The following DNM3 variants were observed in gnomAD, a reference collection of about 807,000 sequenced individuals.
The protein encoded by DNM3 is dynamin-3.
A neutral mutation model predicts 101.6 loss-of-function variants in DNM3; 47 were observed. The observed-to-expected ratio is 0.46, with a 90% CI of 0.37 to 0.59. DNM3 has a LOEUF of 0.59. DNM3 is among the 20% of genes least tolerant of loss of function. DNM3 has a pLI of 0.00. For synonymous variants in DNM3, 385 were observed against 387.9 expected (o/e 0.99, Z 0.09); for missense variants, 849 against 1,085.7 (o/e 0.78, Z 3.06).
intron 17 of DNM3, among the ~76,000 whole-genome samples, chr1:172,359,829 A>G (rs889665220): frequency 6.6e-6 from 1 of 151,876 alleles, no homozygotes; most frequent in Non-Finnish European, 1.5e-5. Context: ...GAGCTCATTT[A>G]TTTGCTTTTG....
chr1:171,847,133 T>C (rs1423416422), intron 1 of DNM3, among the ~76,000 whole-genome samples: 2 of 152,186 alleles, frequency 1.3e-5, no homozygotes, highest in Non-Finnish European at 2.9e-5. Context: ...AAAATATGAA[T>C]ACATAGAAGC....
intron 14 of DNM3, among the ~76,000 whole-genome samples, chr1:172,210,267 T>G (rs1275226420): frequency 1.3e-5 from 2 of 151,748 alleles, no homozygotes; most frequent in African/African-American, 4.8e-5. Context: ...AACAATTCTC[T>G]TATAAATGAC....
At chr1:171,946,458 A>G (rs1337507949) in intron 2 of DNM3, among the ~76,000 whole-genome samples, 1 of 151,982 alleles carries the variant, frequency 6.6e-6, no homozygotes, top group African/African-American at 2.4e-5. Context: ...CTTTGTGACA[A>G]TGTCTATTTT....
chr1:171,911,526 G>A (rs375079259), intron 1 of DNM3, among the ~76,000 whole-genome samples: 7 of 152,082 alleles, frequency 4.6e-5, no homozygotes, highest in East Asian at 1.9e-4. Flanking sequence ...CAGGTGATCC[G>A]CCCGCCTCGG....
At chr1:171,944,222 T>C (rs2042000423) in intron 2 of DNM3, among the ~76,000 whole-genome samples, 1 of 152,112 alleles carries the variant, frequency 6.6e-6, no homozygotes, top group African/African-American at 2.4e-5. Flanking sequence ...TTCTTAAATT[T>C]TTTTTCAGCC....
intron 14 of DNM3, among the ~76,000 whole-genome samples, chr1:172,181,488 A>G (rs530176695): frequency 1.3e-5 from 2 of 151,952 alleles, no homozygotes; most frequent in African/African-American, 2.4e-5. Flanking sequence ...AGATTACACT[A>G]CCTTCTTTAT....
At chr1:172,379,481 A>G (rs2068778248) in intron 18 of DNM3, among the ~76,000 whole-genome samples, 1 of 152,082 alleles carries the variant, frequency 6.6e-6, no homozygotes, top group Non-Finnish European at 1.5e-5. Context: ...CATGTAAATT[A>G]ATTGCAAAAC....
At chr1:172,143,202 A>G (rs1478221261) in intron 14 of DNM3, among the ~76,000 whole-genome samples, 1 of 152,144 alleles carries the variant, frequency 6.6e-6, no homozygotes, top group Non-Finnish European at 1.5e-5. Flanking sequence ...CAATTTTTGA[A>G]TTGTTGCAAA....
intron 2 of DNM3, among the ~76,000 whole-genome samples, chr1:171,948,448 G>A (rs977137203): frequency 3.9e-5 from 6 of 152,058 alleles, no homozygotes; most frequent in African/African-American, 1.5e-4. Context: ...TTAGGTTTTT[G>A]GGTGCTTGAG....
chr1:172,057,673 C>A (rs1040513635), intron 10 of DNM3, among the ~76,000 whole-genome samples: 4 of 151,366 alleles, frequency 2.6e-5, no homozygotes, highest in African/African-American at 9.7e-5. Context: ...CAGGCCTGCC[C>A]TAAAAGAGCT....
intron 20 of DNM3, among the ~76,000 whole-genome samples, chr1:172,391,233 A>G (rs2069510922): frequency 1.3e-5 from 2 of 152,306 alleles, no homozygotes; most frequent in Admixed American, 1.3e-4. Flanking sequence ...TTTAAAACAG[A>G]AATGAAAGTA....
Position 172,410,468 on chromosome 1 carries a change from T to C in DNM3, c.*2627T>C. Reference sequence around the variant, plus strand: ...TCAGTGTTTTTAGGATTTGGGAAAATAAACTGTAAATGTTTATTTGATAGG... The same window carrying C: ...TCAGTGTTTTTAGGATTTGGGAAAACAAACTGTAAATGTTTATTTGATAGG... On this transcript the variant is annotated 3_prime_UTR_variant, in exon 21 of 21. Coordinates refer to ENST00000627582, the MANE Select transcript of DNM3 (RefSeq NM_015569.5). 3.0e-6 allele frequency: 3 copies of C among 984,398 alleles called. No homozygotes were observed. The highest frequency in any genetic ancestry group is 3.6e-6 in the Non-Finnish European group (3 of 828,988). The allele number at this position is 984,398 out of a possible 1,614,324, so 61.0% of individuals were successfully genotyped here. A position where few individuals can be genotyped will look rare whatever the true frequency, so the allele number is the denominator to read the frequency against.
At chr1:172,273,974 T>C (rs1010028543) in intron 15 of DNM3, among the ~76,000 whole-genome samples, 1 of 152,084 alleles carries the variant, frequency 6.6e-6, no homozygotes, top group African/African-American at 2.4e-5. Flanking sequence ...GTGTGCTTAT[T>C]GCATAAGTAA....
At chr1:171,852,341 C>A (rs889604477) in intron 1 of DNM3, among the ~76,000 whole-genome samples, 1 of 152,148 alleles carries the variant, frequency 6.6e-6, no homozygotes, top group Non-Finnish European at 1.5e-5. Flanking sequence ...GATGATACAA[C>A]CAGTTAAGAA....
At chr1:171,898,779 A>AT (rs566343135) in intron 1 of DNM3, among the ~76,000 whole-genome samples, 9 of 149,646 alleles carry the variant, frequency 6.0e-5, no homozygotes, top group Non-Finnish European at 7.4e-5. Flanking sequence ...TAGAGAGTGA[A>AT]TTTTTTTTTT....
intron 1 of DNM3, among the ~76,000 whole-genome samples, chr1:171,868,463 G>A (rs566317250): frequency 4.6e-5 from 7 of 152,112 alleles, no homozygotes; most frequent in Non-Finnish European, 1.0e-4. Flanking sequence ...TGCAATCTGC[G>A]CATTGCGTGA....
chr1:172,349,273 C>G (rs2067091718), intron 17 of DNM3, among the ~76,000 whole-genome samples: 1 of 152,206 alleles, frequency 6.6e-6, no homozygotes, highest in Non-Finnish European at 1.5e-5. Context: ...TGCACCTCAA[C>G]TTCCTCATGT....
chr1:172,047,154 T>G (rs193223771), intron 9 of DNM3, among the ~76,000 whole-genome samples: 2 of 152,144 alleles, frequency 1.3e-5, no homozygotes, highest in Non-Finnish European at 2.9e-5. Context: ...ATTTGAATAG[T>G]AGAAGCCCTC....
chr1:172,214,837 CCTT>C (rs2060637252), intron 14 of DNM3, among the ~76,000 whole-genome samples: 1 of 151,886 alleles, frequency 6.6e-6, no homozygotes, highest in Non-Finnish European at 1.5e-5. Context: ...TTAAATTAGT[CCTT>C]CTTTCCTTTT....
Sources: allele counts gnomAD v4.1 joint callset (sites outside exome capture counted in the v4.1 genomes callset), GRCh38; gene constraint gnomAD v4.1.1; transcripts MANE v1.5; gene names NCBI Gene and HGNC (gene_info 2026-07-23, HGNC 2026-07-21).